The following TFDP1 variants were observed in gnomAD, a reference collection of about 807,000 sequenced individuals.
TFDP1 encodes DRTF1-polypeptide 1.
TFDP1 carries 6 observed loss-of-function variants against 48.0 expected under a neutral mutation model. That is an observed-to-expected ratio of 0.13 (90% CI 0.07 to 0.25). The LOEUF (loss-of-function observed/expected upper bound fraction) is 0.25, where lower values mean the gene tolerates loss of function less well. TFDP1 is among the 10% of genes least tolerant of loss of function. The pLI is 1.00. For synonymous variants in TFDP1, 201 were observed against 211.6 expected (o/e 0.95, Z 0.44); for missense variants, 335 against 543.0 (o/e 0.62, Z 3.81).
In TFDP1 at chr13:113,640,303, G is replaced by A. The variant is rs534618368; in HGVS notation, c.*36G>A. The A allele has an allele frequency of 2.9e-5, 46 of 1,584,522 alleles. No individual in the cohort carries two copies. The East Asian group carries it at 9.2e-4, about 32-fold the overall frequency. On this transcript the variant is annotated 3_prime_UTR_variant, in exon 12 of 12. Transcript: ENST00000375370. Reference sequence around the variant, plus strand: ...ACTTCAGATTCGGCTTCAGGAAAACGTTTAGCGAAAAGAAACTTTTTTTTT... The same window carrying A: ...ACTTCAGATTCGGCTTCAGGAAAACATTTAGCGAAAAGAAACTTTTTTTTT...
intron 3 of TFDP1, among the ~76,000 whole-genome samples, chr13:113,615,461 C>T (rs1350611188): frequency 3.9e-5 from 6 of 152,202 alleles, no homozygotes; most frequent in Non-Finnish European, 7.3e-5. Flanking sequence ...GTGTGCAATC[C>T]TGCCCGGCCT....
chr13:113,622,616 G>GCTGTTGCAAGACCTTTTGCATACCT (rs2049022881), intron 3 of TFDP1, among the ~76,000 whole-genome samples: 2 of 152,186 alleles, frequency 1.3e-5, no homozygotes, highest in African/African-American at 2.4e-5. Flanking sequence ...TTTGCATACC[G>GCTGTTGCAAGACCTTTTGCATACCT]CTGTTGGAAG....
intron 2 of TFDP1, among the ~76,000 whole-genome samples, chr13:113,609,658 C>G (rs1031593348): frequency 1.3e-5 from 2 of 151,800 alleles, no homozygotes; most frequent in Admixed American, 1.3e-4. Context: ...TTGGCGTCTC[C>G]TTGTTCCCAT....
chr13:113,626,670 C>T lies in TFDP1; in HGVS notation c.186+3384C>T, dbSNP rs4150762. Among the ~76,000 whole-genome samples, 600 of 152,286 alleles carry T rather than the reference C, an allele frequency of 3.9e-3. 7 individuals carry two copies. Among genetic ancestry groups the T allele is most frequent in the African/African-American group, 0.014 (562 of 41,544 alleles). On this transcript the variant is annotated intron_variant, in intron 4 of 11. Transcript: ENST00000375370. ...GAAGTTTTGTGGCCATTGAAAGTAG[C>T]GGTTTGTGGAAGCCCTACCACGTCA...
chr13:113,607,211 A>G lies in TFDP1; in HGVS notation c.13-3785A>G, dbSNP rs1029778989. On this transcript the variant is annotated intron_variant, in intron 2 of 11. Transcript: ENST00000375370. The surrounding 1 kb of genome is among the most constrained non-coding windows in gnomAD (Gnocchi z 5.2). ...GCAGCACTGTTGCTGCGGCTGAGAC[A>G]GCGCAGGGCGTCATTCATCCCCCTG... is the stretch of plus-strand genomic sequence containing the variant. Among the ~76,000 whole-genome samples the G allele has an allele frequency of 6.6e-6, 1 of 152,200 alleles. No individual in the cohort carries two copies. The highest frequency in any genetic ancestry group is 1.5e-5 in the Non-Finnish European group (1 of 68,020).
At chr13:113,595,963 T>G (rs562360370) in intron 2 of TFDP1, among the ~76,000 whole-genome samples, 14 of 152,304 alleles carry the variant, frequency 9.2e-5, no homozygotes, top group Admixed American at 1.3e-4. Context: ...GCACCTGTAG[T>G]CCCAGCTACT....
intron 2 of TFDP1, among the ~76,000 whole-genome samples, chr13:113,595,451 A>T (rs1163874896): frequency 6.6e-6 from 1 of 152,212 alleles, no homozygotes; most frequent in East Asian, 1.9e-4. Flanking sequence ...AGCAAGGCTG[A>T]GTCTGAGACA....
intron 3 of TFDP1, among the ~76,000 whole-genome samples, chr13:113,614,666 G>A (rs888154111): frequency 2.0e-4 from 31 of 152,322 alleles, no homozygotes; most frequent in Admixed American, 8.5e-4. Context: ...ACAGCCTCCC[G>A]GGGCCACTGT....
In TFDP1 at chr13:113,611,080, G is replaced by T; in HGVS notation, c.79+18G>T. On this transcript the variant is annotated intron_variant, in intron 3 of 11. Coordinates refer to ENST00000375370, the MANE Select transcript of TFDP1 (RefSeq NM_007111.5). ...CGGGAAAGGTAAGGGCACCTGTTCT[G>T]GACACACTCTTGTGTTGATGAATGC... The T allele has an allele frequency of 6.2e-7, 1 of 1,608,838 alleles. No individual in the cohort carries two copies. The highest frequency in any genetic ancestry group is 1.1e-5 in the South Asian group (1 of 90,930).
At chr13:113,620,286 G>C (rs975076857) in intron 3 of TFDP1, among the ~76,000 whole-genome samples, 1 of 152,244 alleles carries the variant, frequency 6.6e-6, no homozygotes, top group African/African-American at 2.4e-5. Context: ...GGAAAGGGGA[G>C]CCCCAGACTG....
chr13:113,632,900 G>A (rs975898427), intron 5 of TFDP1, among the ~76,000 whole-genome samples: 1 of 152,254 alleles, frequency 6.6e-6, no homozygotes, highest in South Asian at 2.1e-4. Context: ...TAGAGGTGCA[G>A]CCTGCTGGGG....
intron 2 of TFDP1, among the ~76,000 whole-genome samples, chr13:113,596,676 T>C (rs140403857): frequency 1.2e-4 from 18 of 152,306 alleles, no homozygotes; most frequent in Non-Finnish European, 2.6e-4. Flanking sequence ...GGACTTAACC[T>C]CTTTTTTCTC....
intron 11 of TFDP1, among the ~76,000 whole-genome samples, chr13:113,639,878 C>A (rs762434342): frequency 3.9e-5 from 6 of 152,252 alleles, no homozygotes; most frequent in Non-Finnish European, 8.8e-5. Context: ...TCTGCTCAGC[C>A]TCCTGTTTCT....
rs529940968 is a variant in TFDP1 at position 113,593,331 on chromosome 13, C to A, written c.12+7482C>A. Among the ~76,000 whole-genome samples, 329 of 140,588 alleles carry A rather than the reference C, an allele frequency of 2.3e-3. 4 individuals carry two copies. Among genetic ancestry groups the A allele is most frequent in the African/African-American group, 8.8e-3 (312 of 35,566 alleles). 92.2% of individuals were successfully genotyped at this position (140,588 alleles called of 152,430 possible). Reference sequence around the variant, plus strand: ...GGTGTGGTGTGCGCAGGTCCTCAGCCCTGCCCAGGTGACAGGTGTGCTGTG... The same window carrying A: ...GGTGTGGTGTGCGCAGGTCCTCAGCACTGCCCAGGTGACAGGTGTGCTGTG... On this transcript the variant is annotated intron_variant, in intron 2 of 11. Coordinates refer to ENST00000375370, the MANE Select transcript of TFDP1 (RefSeq NM_007111.5).
intron 2 of TFDP1, among the ~76,000 whole-genome samples, chr13:113,595,950 C>T (rs879762289): frequency 1.3e-5 from 2 of 152,144 alleles, no homozygotes; most frequent in Non-Finnish European, 2.9e-5. Context: ...GGCGTGGTGG[C>T]GGGCACCTGT....
chr13:113,619,919 C>CTCCA (rs2048957906), intron 3 of TFDP1, among the ~76,000 whole-genome samples: 1 of 152,198 alleles, frequency 6.6e-6, no homozygotes, highest in African/African-American at 2.4e-5. Flanking sequence ...GGGGCTCAGA[C>CTCCA]TCCAGGTGGA....
rs2140373869 is a variant in TFDP1 at position 113,607,223 on chromosome 13, C to T, written c.13-3773C>T. 6.6e-6 allele frequency among the ~76,000 whole-genome samples: 1 copy of T among 152,332 alleles called. No homozygotes were observed. The highest frequency in any genetic ancestry group is 1.9e-4 in the East Asian group (1 of 5,182). ...CTGCGGCTGAGACAGCGCAGGGCGT[C>T]ATTCATCCCCCTGCCTCCTGAGCCC... is the stretch of plus-strand genomic sequence containing the variant. On this transcript the variant is annotated intron_variant, in intron 2 of 11. Transcript: ENST00000375370. This position sits in a 1 kb window ranked among gnomAD's most constrained non-coding sequence, Gnocchi z 5.2.
At chr13:113,586,497 C>T (rs1034507481) in intron 2 of TFDP1, among the ~76,000 whole-genome samples, 2 of 152,106 alleles carry the variant, frequency 1.3e-5, no homozygotes, top group Non-Finnish European at 2.9e-5. Flanking sequence ...GGTTCTTTAC[C>T]GTGCTTGGTT....
intron 10 of TFDP1, 56 bp downstream of exon 10, chr13:113,636,756 C>T (rs149387649): frequency 5.7e-6 from 9 of 1,570,142 alleles, no homozygotes; most frequent in Admixed American, 1.8e-5. Flanking sequence ...CCCCAGCCTC[C>T]GACGGTGCCC....
Sources: gnomAD v4.1 joint callset for allele counts (sites outside exome capture counted in the v4.1 genomes callset) on GRCh38, gnomAD v4.1.1 for gene constraint, Gnocchi (gnomAD v3.1) non-coding constraint, MANE v1.5 for transcripts, NCBI Gene and HGNC (gene_info 2026-07-23, HGNC 2026-07-21) for gene names.